BARX2: variants seen among roughly 807,000 people sequenced by gnomAD.
BARX2 encodes the protein BARX homeobox 2.
Under a neutral mutation model 25.5 loss-of-function variants are expected in BARX2, and 11 were observed. The observed-to-expected ratio is 0.43, with a 90% confidence interval of 0.27 to 0.71. BARX2 has a LOEUF of 0.71. Ranked by LOEUF, BARX2 falls within the 30% of genes least tolerant of loss-of-function variation. BARX2 has a pLI of 0.19. For missense variants in BARX2, 360 were observed against 359.9 expected, an observed-to-expected ratio of 1.00 and a Z score of 0.00; for synonymous variants, 137 against 149.5, an observed-to-expected ratio of 0.92 and a Z score of 0.61.
At chr11:129,386,492 G>T (rs1191058060) in intron 1 of BARX2, among the ~76,000 whole-genome samples, 1 of 152,154 alleles carries the variant, frequency 6.6e-6, no homozygotes, top group Non-Finnish European at 1.5e-5. Flanking sequence ...CCATAATCAT[G>T]ATCTGATTTT....
intron 1 of BARX2, among the ~76,000 whole-genome samples, chr11:129,418,917 C>T (rs933852884): frequency 1.3e-5 from 2 of 152,228 alleles, no homozygotes; most frequent in South Asian, 2.1e-4. Flanking sequence ...TTCATTATAA[C>T]GTTGATGAAA....
intron 1 of BARX2, among the ~76,000 whole-genome samples, chr11:129,432,241 T>C (rs1862137999): frequency 6.6e-6 from 1 of 152,100 alleles, no homozygotes; most frequent in East Asian, 1.9e-4. Context: ...TTTGTATTTC[T>C]AGTAAAGACG....
chr11:129,450,878 A>G (rs977322599), intron 3 of BARX2, among the ~76,000 whole-genome samples: 2 of 152,120 alleles, frequency 1.3e-5, no homozygotes, highest in African/African-American at 4.8e-5. Context: ...TTATTGTTGA[A>G]GTTGAATTCT....
intron 1 of BARX2, among the ~76,000 whole-genome samples, chr11:129,387,115 G>T (rs1202596058): frequency 3.3e-5 from 5 of 152,164 alleles, no homozygotes; most frequent in Admixed American, 2.0e-4. Context: ...GCAGATAGTC[G>T]CACACTCTGG....
Position 129,451,479 on chromosome 11 carries a change from A to C in BARX2, c.*77A>C. ...AAGGCAGGGAGAGTAGGGAGAGAAA[A>C]CCTTCCAGCAGCCCAGTAAACTGCG... On this transcript the variant is annotated 3_prime_UTR_variant, in exon 4 of 4. Coordinates refer to ENST00000281437, the MANE Select transcript of BARX2 (RefSeq NM_003658.5). 1 of 1,509,578 alleles carries C rather than the reference A, an allele frequency of 6.6e-7. No individual in the cohort carries two copies. The highest frequency in any genetic ancestry group is 9.0e-7 in the Non-Finnish European group (1 of 1,115,034). 93.5% of individuals were successfully genotyped at this position (1,509,578 alleles called of 1,614,324 possible).
intron 1 of BARX2, among the ~76,000 whole-genome samples, chr11:129,407,952 A>G (rs118083911): frequency 0.046 from 6,643 of 145,296 alleles, 210 homozygotes; most frequent in South Asian, 0.18. Flanking sequence ...CTGTAATCCC[A>G]GCACTTTGGG....
At chr11:129,444,730 G>A (rs899853029) in intron 3 of BARX2, among the ~76,000 whole-genome samples, 3 of 152,132 alleles carry the variant, frequency 2.0e-5, no homozygotes, top group Admixed American at 6.5e-5. Context: ...GGCCCGGCAC[G>A]GTGGCTCACG....
chr11:129,441,705 C>T (rs1862262702), intron 2 of BARX2, among the ~76,000 whole-genome samples: 1 of 152,226 alleles, frequency 6.6e-6, no homozygotes, highest in Non-Finnish European at 1.5e-5. Flanking sequence ...CCGCCTCGGC[C>T]TCCCAAAGTG....
chr11:129,417,058 C>T (rs564278040), intron 1 of BARX2, among the ~76,000 whole-genome samples: 4 of 152,034 alleles, frequency 2.6e-5, no homozygotes, highest in East Asian at 1.9e-4. Context: ...CCCGCCACCA[C>T]GCCCGGCTAA....
intron 1 of BARX2, among the ~76,000 whole-genome samples, chr11:129,402,154 C>T (rs61453646): frequency 0.017 from 2,515 of 151,996 alleles, 70 homozygotes; most frequent in African/African-American, 0.058. Flanking sequence ...TGAAGCTTGG[C>T]TTTCCATCCA....
intron 1 of BARX2, among the ~76,000 whole-genome samples, chr11:129,424,914 AT>A (rs1423705572): frequency 2.0e-5 from 3 of 152,236 alleles, no homozygotes; most frequent in African/African-American, 7.2e-5. Context: ...GAATAGAGAC[AT>A]CTTTACAATA....
rs1348847180 is a variant in BARX2 at position 129,375,931 on chromosome 11, G to T, written c.-105G>T. The T allele has an allele frequency of 3.1e-6, 2 of 652,782 alleles. No homozygotes were observed. Among genetic ancestry groups the T allele is most frequent in the Non-Finnish European group, 3.8e-6 (2 of 526,114 alleles). 40.4% of individuals were successfully genotyped at this position (652,782 alleles called of 1,614,324 possible). ...CCCGAGCCCCGCCGCCTCCCCAGCT[G>T]CCGGGAGCGGGGCCCAGGCCCCGCC... On this transcript the variant is annotated 5_prime_UTR_variant, in exon 1 of 4. Coordinates refer to ENST00000281437, the MANE Select transcript of BARX2 (RefSeq NM_003658.5). The surrounding 1 kb of genome is among the most constrained non-coding windows in gnomAD (Gnocchi z 4.0).
intron 3 of BARX2, among the ~76,000 whole-genome samples, chr11:129,444,695 GGGAGAAGTTGAAATTGAAGGAAGTGGCCC>G (rs1402863238): frequency 6.6e-6 from 1 of 152,136 alleles, no homozygotes; most frequent in East Asian, 1.9e-4. Context: ...GAAGGTGGCC[GGGAGAAGTTGAAATTGAAGGAAGTGGCCC>G]GGCACGGTGG....
chr11:129,404,094 T>G (rs1222719885), intron 1 of BARX2, among the ~76,000 whole-genome samples: 1 of 152,150 alleles, frequency 6.6e-6, no homozygotes, highest in African/African-American at 2.4e-5. Context: ...GTCCTGAAAT[T>G]TTCAACAAGG....
intron 1 of BARX2, among the ~76,000 whole-genome samples, chr11:129,433,836 A>G (rs1040386578): frequency 1.3e-5 from 2 of 152,126 alleles, no homozygotes; most frequent in African/African-American, 2.4e-5. Context: ...CACTATTTAC[A>G]TATTTACTTG....
intron 1 of BARX2, among the ~76,000 whole-genome samples, chr11:129,386,613 G>T (rs1861618555): frequency 1.3e-5 from 2 of 152,184 alleles, no homozygotes; most frequent in African/African-American, 4.8e-5. Flanking sequence ...CTATTGTTTG[G>T]AGGAGTAAAC....
intron 1 of BARX2, among the ~76,000 whole-genome samples, chr11:129,397,887 C>T (rs1285425332): frequency 6.6e-6 from 1 of 152,214 alleles, no homozygotes; most frequent in Non-Finnish European, 1.5e-5. Flanking sequence ...AGAGGCAGAA[C>T]ATTTCTGAAA....
At chr11:129,442,988 G>GGGAGGCCGGAC in intron 3 of BARX2, 69 bp downstream of exon 3, 1 of 1,432,020 alleles carries the variant, frequency 7.0e-7, no homozygotes, top group Non-Finnish European at 9.8e-7. Flanking sequence ...GCTGTTGGGA[G>GGGAGGCCGGAC]GGAGGCCGGA....
At chr11:129,427,919 T>C (rs1055214388) in intron 1 of BARX2, among the ~76,000 whole-genome samples, 2 of 152,186 alleles carry the variant, frequency 1.3e-5, no homozygotes, top group Non-Finnish European at 2.9e-5. Flanking sequence ...TACCAAATGT[T>C]CCACATCTCC....
Sources: gnomAD v4.1 joint callset for allele counts (sites outside exome capture counted in the v4.1 genomes callset) on GRCh38, gnomAD v4.1.1 for gene constraint, Gnocchi (gnomAD v3.1) non-coding constraint, MANE v1.5 for transcripts, NCBI Gene and HGNC (gene_info 2026-07-23, HGNC 2026-07-21) for gene names.